NDE1: variants seen among roughly 807,000 people sequenced by gnomAD.
NDE1 encodes nudE neurodevelopment protein 1, also known as nuclear distribution protein nudE homolog 1.
NDE1 carries 28 observed loss-of-function variants against 43.4 expected under a neutral mutation model. The ratio of observed to expected loss-of-function variants is 0.65; its 90% confidence interval spans 0.48 to 0.89. NDE1 has a LOEUF of 0.89. NDE1 is among the 40% of genes least tolerant of loss of function. The pLI, the probability that NDE1 is intolerant of heterozygous loss-of-function variation, is 0.00. For synonymous variants in NDE1, 184 were observed against 172.0 expected, an observed-to-expected ratio of 1.07 and a Z score of -0.55; for missense variants, 441 against 434.1, an observed-to-expected ratio of 1.02 and a Z score of -0.14.
chr16:15,684,906 C>G (rs1405219614), intron 4 of NDE1, among the ~76,000 whole-genome samples: 4 of 152,198 alleles, frequency 2.6e-5, no homozygotes, highest in African/African-American at 9.6e-5. Flanking sequence ...GTAGTGCGTT[C>G]TGACTCTCTG....
At chr16:15,669,344 C>G (rs2037473403) in intron 3 of NDE1, among the ~76,000 whole-genome samples, 1 of 151,786 alleles carries the variant, frequency 6.6e-6, no homozygotes, top group African/African-American at 2.4e-5. Flanking sequence ...CAGGCACCCT[C>G]CACCACGCCT....
intron 3 of NDE1, among the ~76,000 whole-genome samples, chr16:15,675,105 TGGGCAGGATTCAAGGTGCTCAAG>T (rs1368341367): frequency 1.3e-5 from 2 of 151,822 alleles, no homozygotes; most frequent in South Asian, 2.1e-4. Flanking sequence ...GGTTTGGGAG[TGGGCAGGATTCAAGGTGCTCAAG>T]GGGCAGGAGG....
In NDE1 at chr16:15,694,171, A is replaced by G. The variant is rs1409179767; in HGVS notation, c.710A>G (p.Asp237Gly). 4.3e-6 allele frequency: 7 copies of G among 1,612,434 alleles called. No homozygotes were observed. Among genetic ancestry groups the G allele is most frequent in the Non-Finnish European group, 5.9e-6 (7 of 1,179,986 alleles). ...NTPGSFRRGLDDSTGGTPLTP... is the reference protein window; with the variant it reads ...NTPGSFRRGLGDSTGGTPLTP... ...CTTCCCTTTGCACACCCAGGCCTGG[A>G]CGACTCCACCGGGGGGACCCCCCTC... Residue 237 changes from aspartate (D) to glycine (G), a missense_variant, in exon 7 of 9, where the codon GAC becomes GGC. Coordinates refer to ENST00000396354, the MANE Select transcript of NDE1 (RefSeq NM_017668.3).
chr16:15,684,733 G>A (rs1304617302), intron 4 of NDE1, among the ~76,000 whole-genome samples: 1 of 152,028 alleles, frequency 6.6e-6, no homozygotes, highest in African/African-American at 2.4e-5. Flanking sequence ...TTTCCTGGTG[G>A]GTACCCAGTG....
At chr16:15,668,954 C>T (rs183668501) in intron 3 of NDE1, among the ~76,000 whole-genome samples, 13 of 152,238 alleles carry the variant, frequency 8.5e-5, no homozygotes, top group African/African-American at 2.2e-4. Flanking sequence ...GGCTGGAGTG[C>T]AGTAGCGCGA....
At chr16:15,696,340 C>T (rs2039009681) in intron 7 of NDE1, among the ~76,000 whole-genome samples, 1 of 151,628 alleles carries the variant, frequency 6.6e-6, no homozygotes, top group African/African-American at 2.4e-5. Flanking sequence ...CTCACCAGTG[C>T]ACTCCAGCCT....
chr16:15,680,462 T>G (rs2038119179), intron 4 of NDE1, among the ~76,000 whole-genome samples: 1 of 152,212 alleles, frequency 6.6e-6, no homozygotes, highest in Non-Finnish European at 1.5e-5. Flanking sequence ...TATACGAGGT[T>G]TGATCTGATA....
At chr16:15,670,836 A>G (rs1350225260) in intron 3 of NDE1, among the ~76,000 whole-genome samples, 1 of 152,050 alleles carries the variant, frequency 6.6e-6, no homozygotes, top group East Asian at 1.9e-4. Context: ...GGACCTTGGC[A>G]AGCCCAGCTT....
intron 8 of NDE1, chr16:15,720,068 G>T: frequency 6.3e-7 from 1 of 1,584,902 alleles, no homozygotes; most frequent in South Asian, 1.1e-5. Flanking sequence ...CTTGCTTCCT[G>T]GAGCCCGCTC....
rs529724466 is a variant in NDE1 at position 15,667,637 on chromosome 16, T to G, written c.237+198T>G. Reference sequence around the variant, plus strand: ...TGGGTGGTGCTTTTTGTTTTGTTTTTTTTTTTTTTTTGAGATGGAGTTTCA... The same window carrying G: ...TGGGTGGTGCTTTTTGTTTTGTTTTGTTTTTTTTTTTGAGATGGAGTTTCA... On this transcript the variant is annotated intron_variant, in intron 3 of 8. Transcript: ENST00000396354. Among the ~76,000 whole-genome samples, 68 of 147,092 alleles carry G rather than the reference T, an allele frequency of 4.6e-4. 1 individual carries two copies. The Middle Eastern group carries it at 0.021, about 45-fold the overall frequency.
Position 15,717,190 on chromosome 16 carries a change from C to T in NDE1, c.948-7001C>T, listed in dbSNP as rs374486989. On this transcript the variant is annotated intron_variant, in intron 8 of 8. Coordinates refer to ENST00000396354, the MANE Select transcript of NDE1 (RefSeq NM_017668.3). ...CCAGCTGTGCAATCTTGGCCTCCAGCGCCGCGATGGTGGACTTGAACTTGG... is the reference window on the plus strand; with the variant it reads ...CCAGCTGTGCAATCTTGGCCTCCAGTGCCGCGATGGTGGACTTGAACTTGG... 2.6e-5 allele frequency: 42 copies of T among 1,614,062 alleles called. No homozygotes were observed. Among genetic ancestry groups the T allele is most frequent in the East Asian group, 4.5e-5 (2 of 44,888 alleles).
intron 3 of NDE1, among the ~76,000 whole-genome samples, chr16:15,673,551 T>C (rs2037710069): frequency 6.6e-6 from 1 of 151,816 alleles, no homozygotes; most frequent in Non-Finnish European, 1.5e-5. Context: ...CTGGTGATTT[T>C]TTTTTTTTTT....
At chr16:15,697,964 G>A (rs898482123) in intron 8 of NDE1, among the ~76,000 whole-genome samples, 1 of 151,508 alleles carries the variant, frequency 6.6e-6, no homozygotes. Context: ...GTGCCACCAT[G>A]CCCAGCTAAT....
At chr16:15,683,804 T>G (rs2038300395) in intron 4 of NDE1, among the ~76,000 whole-genome samples, 1 of 151,962 alleles carries the variant, frequency 6.6e-6, no homozygotes, top group Non-Finnish European at 1.5e-5. Context: ...GCTTGAGTAT[T>G]GCTTGAGCCC....
chr16:15,655,944 A>C (rs962430321), intron 1 of NDE1, among the ~76,000 whole-genome samples: 3 of 138,014 alleles, frequency 2.2e-5, no homozygotes, highest in African/African-American at 8.1e-5. Context: ...ACACATGGAC[A>C]CAGGAAGGGG....
In NDE1 at chr16:15,725,912, A is replaced by G. The variant is rs929174142; in HGVS notation, c.*1661A>G. 3 of 382,504 alleles carry G rather than the reference A, an allele frequency of 7.8e-6. No individual in the cohort carries two copies. Among genetic ancestry groups the G allele is most frequent in the South Asian group, 2.9e-4 (2 of 6,860 alleles). 23.7% of individuals were successfully genotyped at this position (382,504 alleles called of 1,614,324 possible). A position where few individuals can be genotyped will look rare whatever the true frequency, so the allele number is the denominator to read the frequency against. On this transcript the variant is annotated 3_prime_UTR_variant, in exon 9 of 9. Coordinates refer to ENST00000396354, the MANE Select transcript of NDE1 (RefSeq NM_017668.3). The stretch of plus-strand genomic sequence containing the variant: ...TGTAATAGGTTCTCAAAAGCCCTAC[A>G]TCATCTGGGTACAAGCTCCCCCTCC...
chr16:15,673,290 A>T (rs2037695333), intron 3 of NDE1, among the ~76,000 whole-genome samples: 1 of 151,670 alleles, frequency 6.6e-6, no homozygotes, highest in African/African-American at 2.4e-5. Flanking sequence ...GCTCACTGCA[A>T]CCTCCGCCTC....
intron 8 of NDE1, among the ~76,000 whole-genome samples, chr16:15,710,280 T>C (rs544177730): frequency 5.9e-5 from 9 of 152,182 alleles, no homozygotes; most frequent in African/African-American, 1.9e-4. Flanking sequence ...CCCAGCACTT[T>C]GGGAGACCGA....
chr16:15,668,653 T>G (rs931173507), intron 3 of NDE1, among the ~76,000 whole-genome samples: 1 of 152,210 alleles, frequency 6.6e-6, no homozygotes, highest in Non-Finnish European at 1.5e-5. Context: ...CTGTTGAAAT[T>G]TAATGAATTA....
Sources: allele counts gnomAD v4.1 joint callset (sites outside exome capture counted in the v4.1 genomes callset), GRCh38; gene constraint gnomAD v4.1.1; transcripts MANE v1.5; gene names NCBI Gene and HGNC (gene_info 2026-07-23, HGNC 2026-07-21).